SYNE2: variants seen among roughly 807,000 people sequenced by gnomAD.
SYNE2 encodes spectrin repeat containing nuclear envelope protein 2, also known as nesprin-2.
A neutral mutation model predicts 856.3 loss-of-function variants in SYNE2; 431 were observed. The observed-to-expected ratio is 0.50, with a 90% confidence interval of 0.47 to 0.55. SYNE2 has a LOEUF of 0.55. Among genes scored for constraint, SYNE2 ranks in the 20% least tolerant of loss-of-function variants. SYNE2 has a pLI of 0.00. For synonymous variants in SYNE2, 2,923 were observed against 2,872.3 expected, an observed-to-expected ratio of 1.02 and a Z score of -0.56; for missense variants, 8,129 against 8,023.2, an observed-to-expected ratio of 1.01 and a Z score of -0.50.
intron 8 of SYNE2, 75 bp from the exon 9 acceptor site, chr14:63,961,450 A>G: frequency 8.0e-7 from 1 of 1,250,600 alleles, no homozygotes; most frequent in Non-Finnish European, 1.2e-6. Context: ...GGCAGAGGCT[A>G]TGGCATAGCC....
chr14:64,224,897 C>A, intron 114 of SYNE2, 102 bp from the exon 115 acceptor site: 3 of 1,118,914 alleles, frequency 2.7e-6, no homozygotes, highest in Non-Finnish European at 4.0e-6. Flanking sequence ...TGTAACACAA[C>A]ATAAAGGTGG....
intron 66 of SYNE2, among the ~76,000 whole-genome samples, chr14:64,117,201 A>C (rs762880223): frequency 7.9e-5 from 12 of 152,140 alleles, no homozygotes; most frequent in Non-Finnish European, 1.5e-4. Context: ...AGTATTTTGC[A>C]TTTGGTTTTT....
chr14:63,950,552 G>GTC (rs2096136248), intron 7 of SYNE2, among the ~76,000 whole-genome samples: 1 of 151,664 alleles, frequency 6.6e-6, no homozygotes, highest in South Asian at 2.1e-4. Flanking sequence ...CGAAACTCTT[G>GTC]TCACACACAC....
chr14:63,861,618 C>T lies in SYNE2; in HGVS notation c.-52+8475C>T, dbSNP rs371559093. Among the ~76,000 whole-genome samples the T allele has an allele frequency of 7.7e-3, 316 of 41,232 alleles. 2 individuals are homozygous for T. Among genetic ancestry groups the T allele is most frequent in the African/African-American group, 0.042 (283 of 6,678 alleles). The allele number at this position is 41,232 out of a possible 152,430, so 27.0% of individuals were successfully genotyped here. ...CCAGCCTGGGCAACATAGTGAGACC[C>T]CAATCTCAAAAAAAAAAATTAGCTG... On this transcript the variant is annotated intron_variant, in intron 1 of 115. Coordinates refer to ENST00000555002, the MANE Select transcript of SYNE2 (RefSeq NM_182914.3).
At chr14:64,138,946 G>GTATGGTGTGTGTGT (rs1465109787) in intron 79 of SYNE2, among the ~76,000 whole-genome samples, 42 of 137,782 alleles carry the variant, frequency 3.0e-4, no homozygotes, top group African/African-American at 1.2e-3. Flanking sequence ...GTGTATGTAT[G>GTATGGTGTGTGTGT]GTGTGTGTGT....
intron 90 of SYNE2, 124 bp from the exon 91 acceptor site, chr14:64,167,109 T>C (rs2098384228): frequency 8.3e-7 from 1 of 1,206,440 alleles, no homozygotes; most frequent in Non-Finnish European, 1.2e-6. Flanking sequence ...GCTGTTTGAC[T>C]GTGGGCAAGT....
At chr14:64,040,773 G>A (rs1232975324) in intron 45 of SYNE2, among the ~76,000 whole-genome samples, 1 of 151,078 alleles carries the variant, frequency 6.6e-6, no homozygotes, top group Non-Finnish European at 1.5e-5. Flanking sequence ...TCTGATAAGA[G>A]CTTTAGGAGG....
chr14:63,987,308 A>G (rs776323462), intron 19 of SYNE2, among the ~76,000 whole-genome samples: 3 of 151,860 alleles, frequency 2.0e-5, no homozygotes, highest in South Asian at 2.1e-4. Context: ...TCACCCTCTG[A>G]TGAAGCCACT....
intron 96 of SYNE2, among the ~76,000 whole-genome samples, chr14:64,180,453 ATATATTTCCCT>A: frequency 6.6e-6 from 1 of 151,632 alleles, no homozygotes; most frequent in African/African-American, 2.4e-5. Flanking sequence ...TGACTGTGGT[ATATATTTCCCT>A]TTGGTCATAT....
chr14:63,892,138 CCTT>C (rs144322372), intron 1 of SYNE2, among the ~76,000 whole-genome samples: 1 of 152,160 alleles, frequency 6.6e-6, no homozygotes, highest in East Asian at 1.9e-4. Context: ...AAATAACAAT[CCTT>C]CATCAGTGGG....
intron 1 of SYNE2, among the ~76,000 whole-genome samples, chr14:63,840,399 TTTCCTTCCTTCCTTCCTTCC>T (rs747899857): frequency 1.2e-4 from 14 of 115,414 alleles, no homozygotes; most frequent in African/African-American, 4.1e-4. Context: ...CTTTCTTTCC[TTTCCTTCCTTCCTTCCTTCC>T]TTCCTTCCTT....
At chr14:64,069,784 C>G (rs915280272) in intron 51 of SYNE2, among the ~76,000 whole-genome samples, 4 of 152,224 alleles carry the variant, frequency 2.6e-5, no homozygotes, top group African/African-American at 9.6e-5. Flanking sequence ...TTCTCAGCCT[C>G]TGGCATGTCT....
chr14:64,086,457 C>T (rs1232330024), intron 57 of SYNE2, among the ~76,000 whole-genome samples: 1 of 152,110 alleles, frequency 6.6e-6, no homozygotes, highest in Non-Finnish European at 1.5e-5. Flanking sequence ...TGTCCTTTTT[C>T]AGATTTGTTT....
At chr14:64,077,446 A>G (rs922817185) in intron 54 of SYNE2, among the ~76,000 whole-genome samples, 27 of 152,274 alleles carry the variant, frequency 1.8e-4, no homozygotes, top group Middle Eastern at 3.4e-3. Flanking sequence ...ACATGATATA[A>G]AAGTATCAAG....
chr14:63,984,005 G>A (rs1185330077), intron 18 of SYNE2, 119 bp downstream of exon 18: 2 of 707,354 alleles, frequency 2.8e-6, no homozygotes, highest in South Asian at 1.9e-5. Flanking sequence ...ACTTTGGGAG[G>A]ACAAAACAGG....
At chr14:63,773,426 C>G (rs1380110338) in intron 1 of SYNE2, among the ~76,000 whole-genome samples, 1 of 152,054 alleles carries the variant, frequency 6.6e-6, no homozygotes, top group African/African-American at 2.4e-5. Flanking sequence ...GTCTCAAACT[C>G]CTGGGCTCAA....
In SYNE2 at chr14:64,053,450, T is replaced by G; in HGVS notation, c.9537T>G (p.Asn3179Lys). The G allele has an allele frequency of 6.2e-7, 1 of 1,613,532 alleles. No homozygotes were observed. Among genetic ancestry groups the G allele is most frequent in the Non-Finnish European group, 8.5e-7 (1 of 1,179,904 alleles). The change falls in exon 48 of 116, where the codon AAT becomes AAG. Residue 3179 changes from asparagine to lysine, a missense_variant. By Grantham distance (94) the Asn-to-Lys change is moderately conservative. Around this residue, in one of 3 missense-constraint regions of SYNE2, gnomAD observed 5,410 missense variants for 5,284.8 expected, o/e 1.02. Transcript: ENST00000555002. ...AATTACAGCAGCCATTACTTATAAATTTGGAAATTAAACATATTCAAAATG... is the reference window on the plus strand; with the variant it reads ...AATTACAGCAGCCATTACTTATAAAGTTGGAAATTAAACATATTCAAAATG... The part of the protein sequence containing the change: ...KSQLQQPLLI[N>K]LEIKHIQNEK...
rs968404817 is a variant in SYNE2, at chr14:64,126,568, A to G, written c.13708-30A>G. Reference sequence around the variant, plus strand: ...TGGAAGCCTCTTGAGGTCAGAGCTCATTCATTGTCTTCCTTCCTCTCCACT... The same window carrying G: ...TGGAAGCCTCTTGAGGTCAGAGCTCGTTCATTGTCTTCCTTCCTCTCCACT... On this transcript the variant is annotated intron_variant, in intron 72 of 115. Coordinates refer to ENST00000555002, the MANE Select transcript of SYNE2 (RefSeq NM_182914.3). 6.8e-6 allele frequency: 11 copies of G among 1,614,036 alleles called. No individual in the cohort carries two copies. The African/African-American group carries it at 1.5e-4, about 22-fold the overall frequency.
intron 106 of SYNE2, among the ~76,000 whole-genome samples, chr14:64,214,986 C>G (rs777267971): frequency 1.2e-4 from 18 of 152,126 alleles, no homozygotes; most frequent in Non-Finnish European, 1.9e-4. Flanking sequence ...GAAGTCCTCC[C>G]GCCTCAGCCT....
Sources: allele counts gnomAD v4.1 joint callset (sites outside exome capture counted in the v4.1 genomes callset), GRCh38; gene constraint gnomAD v4.1.1; regional missense constraint gnomAD v4.1.1; transcripts MANE v1.5; gene names NCBI Gene and HGNC (gene_info 2026-07-23, HGNC 2026-07-21).